PLEKHF2: variants seen among roughly 807,000 people sequenced by gnomAD.
PLEKHF2 encodes pleckstrin homology and FYVE domain containing 2, also known as pleckstrin homology domain-containing family F member 2.
Under a neutral mutation model 14.7 loss-of-function variants are expected in PLEKHF2, and 4 were observed. That is an observed-to-expected ratio of 0.27 (90% CI 0.13 to 0.62). The LOEUF is 0.62. Ranked by LOEUF, PLEKHF2 falls within the 20% of genes least tolerant of loss-of-function variation. The pLI, the probability that PLEKHF2 is intolerant of heterozygous loss-of-function variation, is 0.85. For missense variants in PLEKHF2, 201 were observed against 307.7 expected (o/e 0.65, Z 2.60); for synonymous variants, 90 against 103.5 (o/e 0.87, Z 0.79).
chr8:95,141,854 A>T (rs888534686), intron 1 of PLEKHF2, among the ~76,000 whole-genome samples: 2 of 151,762 alleles, frequency 1.3e-5, no homozygotes, highest in Non-Finnish European at 2.9e-5. Context: ...GTGACTTTTT[A>T]TGTGCGTTTT....
intron 1 of PLEKHF2, among the ~76,000 whole-genome samples, chr8:95,136,887 G>A (rs1449762901): frequency 6.6e-6 from 1 of 152,174 alleles, no homozygotes; most frequent in Non-Finnish European, 1.5e-5. Flanking sequence ...CTAGGTTAAG[G>A]TGTTTTGTAA....
intron 1 of PLEKHF2, among the ~76,000 whole-genome samples, chr8:95,135,275 C>T (rs1297550833): frequency 1.3e-5 from 2 of 152,142 alleles, no homozygotes; most frequent in Non-Finnish European, 2.9e-5. Context: ...ACTGAAAAGG[C>T]TCTTAAACAC....
intron 1 of PLEKHF2, among the ~76,000 whole-genome samples, chr8:95,149,808 A>G (rs1311493120): frequency 2.0e-5 from 3 of 152,170 alleles, no homozygotes; most frequent in Non-Finnish European, 2.9e-5. Context: ...ACATTAATCA[A>G]ATTGGGCCAT....
intron 1 of PLEKHF2, among the ~76,000 whole-genome samples, chr8:95,141,322 A>G (rs1810436106): frequency 6.6e-6 from 1 of 152,088 alleles, no homozygotes; most frequent in East Asian, 1.9e-4. Flanking sequence ...TTACTTTTCA[A>G]CTGGATCCTG....
At chr8:95,143,535 A>G (rs763121940) in intron 1 of PLEKHF2, among the ~76,000 whole-genome samples, 1 of 152,212 alleles carries the variant, frequency 6.6e-6, no homozygotes, top group Non-Finnish European at 1.5e-5. Flanking sequence ...TGGCCACAGG[A>G]TATACCCAGC....
At position 95,156,028 on chromosome 8, in the gene PLEKHF2, G is replaced by A. The variant is rs187074087; in HGVS notation, c.*1234G>A. ...GAGTAGCAATTGCTATTTCTAAATTGTGAACTTTAAGTCAATCTAGATTTA... is the reference window on the plus strand; with the variant it reads ...GAGTAGCAATTGCTATTTCTAAATTATGAACTTTAAGTCAATCTAGATTTA... On this transcript the variant is annotated 3_prime_UTR_variant, in exon 2 of 2. Transcript: ENST00000315367. The A allele has an allele frequency of 6.0e-6, 1 of 167,076 alleles. No homozygotes were observed. The highest frequency in any genetic ancestry group is 1.9e-4 in the East Asian group (1 of 5,188). The allele number at this position is 167,076 out of a possible 1,614,324, so 10.3% of individuals were successfully genotyped here. A position where few individuals can be genotyped will look rare whatever the true frequency, so the allele number is the denominator to read the frequency against.
chr8:95,146,785 A>C (rs1371215206), intron 1 of PLEKHF2, among the ~76,000 whole-genome samples: 1 of 151,996 alleles, frequency 6.6e-6, no homozygotes, highest in Non-Finnish European at 1.5e-5. Context: ...TAACACTGCC[A>C]GGCACTGCTG....
In PLEKHF2 at chr8:95,154,861, A is replaced by G. The variant is rs1810599121; in HGVS notation, c.*67A>G. On this transcript the variant is annotated 3_prime_UTR_variant, in exon 2 of 2. Transcript: ENST00000315367. This position sits in a 1 kb window ranked among gnomAD's most constrained non-coding sequence, Gnocchi z 5.6. The stretch of plus-strand genomic sequence containing the variant: ...AAATCAACTTTGGGGGAAATGTAAG[A>G]TTCTGAGCTCTCTCTCTGTTTTGTT... 6.5e-7 allele frequency: 1 copy of G among 1,549,336 alleles called. No homozygotes were observed. The highest frequency in any genetic ancestry group is 1.8e-5 in the Admixed American group (1 of 55,712).
chr8:95,145,548 C>T (rs368288447), intron 1 of PLEKHF2, among the ~76,000 whole-genome samples: 3 of 151,932 alleles, frequency 2.0e-5, no homozygotes, highest in Non-Finnish European at 4.4e-5. Flanking sequence ...CTCAGCCTCC[C>T]GAGTAGCTGG....
Position 95,156,457 on chromosome 8 carries a change from T to G in PLEKHF2, c.*1663T>G, listed in dbSNP as rs1037025468. 2.4e-5 allele frequency: 4 copies of G among 167,028 alleles called. No individual in the cohort carries two copies. The highest frequency in any genetic ancestry group is 9.6e-5 in the African/African-American group (4 of 41,456). 10.3% of individuals were successfully genotyped at this position (167,028 alleles called of 1,614,324 possible). ...GTTCATTTGCTTGCTTTTATGATTT[T>G]TTTTGGTTTGTTTTAATATCAGGTG... is the stretch of plus-strand genomic sequence containing the variant. On this transcript the variant is annotated 3_prime_UTR_variant, in exon 2 of 2. Transcript: ENST00000315367.
intron 1 of PLEKHF2, among the ~76,000 whole-genome samples, chr8:95,146,353 A>G (rs1346981444): frequency 6.6e-6 from 1 of 152,172 alleles, no homozygotes; most frequent in Non-Finnish European, 1.5e-5. Context: ...CTGGTAACAG[A>G]TATCATGGGT....
chr8:95,145,671 A>G (rs1304325536), intron 1 of PLEKHF2, among the ~76,000 whole-genome samples: 9 of 152,120 alleles, frequency 5.9e-5, no homozygotes, highest in South Asian at 2.1e-4. Context: ...TGATCTGCCC[A>G]CCTTGGCCTC....
In PLEKHF2 at chr8:95,154,597, C is replaced by T; in HGVS notation, c.553C>T (p.Pro185Ser). ...CRKCGFVVCGPCSEKRFLLPS... is the reference protein window; with the variant it reads ...CRKCGFVVCGSCSEKRFLLPS... ...CAAATGTGGTTTTGTTGTCTGTGGG[C>T]CCTGCTCTGAAAAGAGATTTCTTCT... Residue 185 changes from proline (P) to serine (S), a missense_variant, in exon 2 of 2, where the codon CCC becomes TCC. Coordinates refer to ENST00000315367, the MANE Select transcript of PLEKHF2 (RefSeq NM_024613.4). The surrounding 1 kb of genome is among the most constrained non-coding windows in gnomAD (Gnocchi z 5.6). 1.2e-6 allele frequency: 2 copies of T among 1,614,130 alleles called. No individual in the cohort carries two copies. The highest frequency in any genetic ancestry group is 2.2e-5 in the East Asian group (1 of 44,886).
At chr8:95,149,884 T>A (rs2132110128) in intron 1 of PLEKHF2, among the ~76,000 whole-genome samples, 1 of 152,282 alleles carries the variant, frequency 6.6e-6, no homozygotes, top group Admixed American at 6.5e-5. Flanking sequence ...AGTCCTTGGC[T>A]AGGCCCTGTA....
At chr8:95,134,966 T>A (rs1190538946) in intron 1 of PLEKHF2, among the ~76,000 whole-genome samples, 1 of 152,212 alleles carries the variant, frequency 6.6e-6, no homozygotes, top group East Asian at 1.9e-4. Flanking sequence ...CCCCTCCCTT[T>A]AGTTTCTTAA....
chr8:95,153,650 G>A (rs950921139), intron 1 of PLEKHF2, among the ~76,000 whole-genome samples: 3 of 152,106 alleles, frequency 2.0e-5, no homozygotes, highest in African/African-American at 7.2e-5. Context: ...CTTAGTTTAT[G>A]TAACATTTTG....
Position 95,156,524 on chromosome 8 carries a change from A to G in PLEKHF2, c.*1730A>G, listed in dbSNP as rs1182723875. On this transcript the variant is annotated 3_prime_UTR_variant, in exon 2 of 2. Transcript: ENST00000315367. ...CAATATATACATAAAATCAACCAAC[A>G]TATCTGAAAAGGATCATGAAACCTG... is the stretch of plus-strand genomic sequence containing the variant. 6.0e-6 allele frequency: 1 copy of G among 167,066 alleles called. No homozygotes were observed. The highest frequency in any genetic ancestry group is 2.4e-5 in the African/African-American group (1 of 41,458). 10.3% of individuals were successfully genotyped at this position (167,066 alleles called of 1,614,324 possible). A position where few individuals can be genotyped will look rare whatever the true frequency, so the allele number is the denominator to read the frequency against.
At chr8:95,142,846 C>T (rs962558591) in intron 1 of PLEKHF2, among the ~76,000 whole-genome samples, 1 of 152,132 alleles carries the variant, frequency 6.6e-6, no homozygotes, top group Non-Finnish European at 1.5e-5. Flanking sequence ...ACAACATTTG[C>T]TTGTAAATTT....
intron 1 of PLEKHF2, among the ~76,000 whole-genome samples, chr8:95,136,448 A>G (rs1587302377): frequency 6.6e-6 from 1 of 152,220 alleles, no homozygotes; most frequent in Non-Finnish European, 1.5e-5. Context: ...CAGAACTTGA[A>G]TATTTATGAA....
Sources: allele counts gnomAD v4.1 joint callset (sites outside exome capture counted in the v4.1 genomes callset), GRCh38; gene constraint gnomAD v4.1.1; non-coding constraint Gnocchi (gnomAD v3.1); transcripts MANE v1.5; gene names NCBI Gene and HGNC (gene_info 2026-07-23, HGNC 2026-07-21).